Variants in ODAD4 observed in about 807,000 individuals in gnomAD.
ODAD4 encodes the protein outer dynein arm-docking complex subunit 4.
In ODAD4, 49 loss-of-function variants were observed where a neutral mutation model predicts 51.8. The ratio of observed to expected loss-of-function variants is 0.95; its 90% CI spans 0.75 to 1.20. The LOEUF (loss-of-function observed/expected upper bound fraction) is 1.20, where lower values mean the gene tolerates loss of function less well. Ranked by LOEUF, ODAD4 falls within the 50% of genes most tolerant of loss-of-function variation. ODAD4 has a pLI of 0.00. For synonymous variants in ODAD4, 235 were observed against 221.3 expected (o/e 1.06, Z -0.55); for missense variants, 590 against 586.5 (o/e 1.01, Z -0.06).
chr17:41,934,038 C>CTTTTTTTTTTTTTTTTTTTTTT (rs782039270), intron 1 of ODAD4, among the ~76,000 whole-genome samples: 12 of 65,514 alleles, frequency 1.8e-4, no homozygotes, highest in Admixed American at 5.1e-4. Flanking sequence ...TTCTTTCTTT[C>CTTTTTTTTTTTTTTTTTTTTTT]TTTTTTTTTT....
chr17:41,942,695 G>T (rs782642028), intron 7 of ODAD4, among the ~76,000 whole-genome samples: 2 of 152,132 alleles, frequency 1.3e-5, no homozygotes, highest in African/African-American at 4.8e-5. Context: ...CTTGGGCAGG[G>T]CAGAAAGATG....
At chr17:41,939,718 A>G (rs2050480789) in intron 7 of ODAD4, among the ~76,000 whole-genome samples, 1 of 152,134 alleles carries the variant, frequency 6.6e-6, no homozygotes, top group East Asian at 1.9e-4. Flanking sequence ...AGAGCACAGC[A>G]TATTGCCAGG....
chr17:41,964,972 C>T (rs781992024), intron 11 of ODAD4, 21 bp from the exon 12 acceptor site: 4 of 682,692 alleles, frequency 5.9e-6, no homozygotes, highest in South Asian at 3.2e-5. Context: ...TCTTTCTTCC[C>T]GCTTTTCTCT....
At chr17:41,959,741 AGC>A (rs1211999469) in intron 10 of ODAD4, among the ~76,000 whole-genome samples, 1 of 152,218 alleles carries the variant, frequency 6.6e-6, no homozygotes, top group Admixed American at 6.5e-5. Context: ...TCAGCACACC[AGC>A]CTGGACTTGA....
chr17:41,932,265 C>G (rs2050355252), intron 1 of ODAD4, among the ~76,000 whole-genome samples: 1 of 152,076 alleles, frequency 6.6e-6, no homozygotes, highest in East Asian at 1.9e-4. Flanking sequence ...GACGGGGTTT[C>G]TCCATGTTGG....
intron 7 of ODAD4, among the ~76,000 whole-genome samples, chr17:41,940,000 A>G (rs1470944235): frequency 6.6e-6 from 1 of 152,164 alleles, no homozygotes; most frequent in Non-Finnish European, 1.5e-5. Flanking sequence ...GGTATCCACA[A>G]TAGTAGTAAC....
At chr17:41,944,444 A>ACACACCCCC (rs1191101800) in intron 7 of ODAD4, among the ~76,000 whole-genome samples, 8 of 19,564 alleles carry the variant, frequency 4.1e-4, no homozygotes, top group African/African-American at 5.4e-4. Flanking sequence ...ACACACACAC[A>ACACACCCCC]CCCCCCCGCA....
intron 8 of ODAD4, among the ~76,000 whole-genome samples, chr17:41,946,599 A>G (rs1360656459): frequency 1.3e-5 from 2 of 152,240 alleles, no homozygotes; most frequent in East Asian, 3.8e-4. Context: ...TGCTGGGATT[A>G]CAGGCGTGAG....
In ODAD4 at chr17:41,936,473, G is replaced by T. The variant is rs782169838; in HGVS notation, c.398G>T (p.Ser133Ile). 2 of 1,612,462 alleles carry T rather than the reference G, an allele frequency of 1.2e-6. No individual in the cohort carries two copies. Among genetic ancestry groups the T allele is most frequent in the Admixed American group, 1.7e-5 (1 of 59,988 alleles). ...AQEAINNSVG[S>I]PSSIKLENKG... ...TGAGCTCCAGCTTCTTTCCTTGCAG[G>T]TCCTTCTTCCATTAAGCTGGAGAAC... The change falls in exon 4 of 12, where the codon AGT becomes ATT. Residue 133 changes from serine to isoleucine, a missense_variant and splice_region_variant. Coordinates refer to ENST00000377540, the MANE Select transcript of ODAD4 (RefSeq NM_031421.5).
chr17:41,936,404 CA>C, intron 3 of ODAD4, 68 bp from the exon 4 acceptor site: 1 of 1,167,856 alleles, frequency 8.6e-7, no homozygotes, highest in Non-Finnish European at 1.3e-6. Context: ...GCCATTTCTA[CA>C]TAAAAATATG....
At chr17:41,945,875 T>A (rs1555639444) in intron 8 of ODAD4, among the ~76,000 whole-genome samples, 2 of 151,490 alleles carry the variant, frequency 1.3e-5, no homozygotes, top group Non-Finnish European at 1.5e-5. Context: ...CACTCCAGCC[T>A]GGGCGACAGA....
At chr17:41,944,427 CACACACACACACACACA>C (rs1169844348) in intron 7 of ODAD4, among the ~76,000 whole-genome samples, 618 of 8,108 alleles carry the variant, frequency 0.076, 23 homozygotes, top group African/African-American at 0.11. Context: ...CACACACACA[CACACACACACACACACA>C]CCCCCCCGCA....
chr17:41,957,969 C>T (rs1313076039), intron 10 of ODAD4, among the ~76,000 whole-genome samples: 1 of 152,072 alleles, frequency 6.6e-6, no homozygotes, highest in Non-Finnish European at 1.5e-5. Flanking sequence ...GATGAGGTCT[C>T]ACTATATTGC....
rs1234455068 is a variant in ODAD4 at position 41,964,072 on chromosome 17, T to C, written c.1529-921T>C. Reference sequence around the variant, plus strand: ...CCACCACTCCCGGTTAATTTTTTTTTTTTTTGAGATGGAGTTTTGCTCTTG... The same window carrying C: ...CCACCACTCCCGGTTAATTTTTTTTCTTTTTGAGATGGAGTTTTGCTCTTG... On this transcript the variant is annotated intron_variant, in intron 11 of 11. Transcript: ENST00000377540. Among the ~76,000 whole-genome samples the C allele has an allele frequency of 6.5e-4, 99 of 151,778 alleles. 1 individual carries two copies. Among genetic ancestry groups the C allele is most frequent in the Admixed American group, 3.2e-3 (48 of 15,230 alleles).
Position 41,938,748 on chromosome 17 carries a change from T to C in ODAD4, c.817T>C (p.Tyr273His). 6.2e-7 allele frequency: 1 copy of C among 1,613,626 alleles called. No individual in the cohort carries two copies. The highest frequency in any genetic ancestry group is 8.5e-7 in the Non-Finnish European group (1 of 1,179,896). ...HKRRPSQTAH[Y>H]ILKSLEDIDM... ...ACGCCGTCCCTCACAGACAGCCCAT[T>C]ACATCCTCAAGAGCCTGGAGGACAT... The change falls in exon 6 of 12, where the codon TAC (tyrosine) becomes CAC (histidine). Residue 273 changes from tyrosine (Y) to histidine (H), a missense_variant. Coordinates refer to ENST00000377540, the MANE Select transcript of ODAD4 (RefSeq NM_031421.5).
intron 11 of ODAD4, among the ~76,000 whole-genome samples, chr17:41,963,603 A>T (rs2050834113): frequency 6.6e-6 from 1 of 151,302 alleles, no homozygotes; most frequent in Admixed American, 6.6e-5. Flanking sequence ...TCTCACTTGC[A>T]CACTTGCAGT....
intron 10 of ODAD4, 147 bp from the exon 11 acceptor site, chr17:41,961,235 T>C: frequency 1.7e-6 from 1 of 600,874 alleles, no homozygotes; most frequent in Non-Finnish European, 3.0e-6. Flanking sequence ...TAGATTAACC[T>C]GAGGGTAGGG....
rs1477537465 is a variant in ODAD4, at chr17:41,966,301, G to C, written c.*818G>C. Among the ~76,000 whole-genome samples, 9 of 152,186 alleles carry C rather than the reference G, an allele frequency of 5.9e-5. No individual in the cohort carries two copies. Among genetic ancestry groups the C allele is most frequent in the African/African-American group, 2.2e-4 (9 of 41,438 alleles). ...CCACAGCTCCTAGAAGGAAAGGTCG[G>C]GGCTGAGACTGACTTTCGGCTGGCA... On this transcript the variant is annotated 3_prime_UTR_variant, in exon 12 of 12. Coordinates refer to ENST00000377540, the MANE Select transcript of ODAD4 (RefSeq NM_031421.5).
intron 11 of ODAD4, among the ~76,000 whole-genome samples, chr17:41,963,694 A>G (rs1290283731): frequency 1.3e-5 from 2 of 149,006 alleles, no homozygotes; most frequent in Non-Finnish European, 3.0e-5. Context: ...GCTGGAATGC[A>G]GTGGTGCAAT....
Sources: allele counts gnomAD v4.1 joint callset (sites outside exome capture counted in the v4.1 genomes callset), GRCh38; gene constraint gnomAD v4.1.1; transcripts MANE v1.5; gene names NCBI Gene and HGNC (gene_info 2026-07-23, HGNC 2026-07-21).